Variants in MTMR12 observed in about 807,000 individuals in gnomAD.
The protein encoded by MTMR12 is myotubularin related protein 12.
Under a neutral mutation model 96.7 loss-of-function variants are expected in MTMR12, and 33 were observed. The observed-to-expected ratio is 0.34, with a 90% CI of 0.26 to 0.46. The LOEUF is 0.46. Ranked by LOEUF, MTMR12 falls within the 20% of genes least tolerant of loss-of-function variation. The pLI is 1.00. For synonymous variants in MTMR12, 298 were observed against 327.2 expected, an observed-to-expected ratio of 0.91 and a Z score of 0.96; for missense variants, 721 against 896.1, an observed-to-expected ratio of 0.80 and a Z score of 2.49.
At chr5:32,251,554 G>A (rs942812715) in intron 8 of MTMR12, among the ~76,000 whole-genome samples, 5 of 152,218 alleles carry the variant, frequency 3.3e-5, no homozygotes, top group Non-Finnish European at 7.3e-5. Flanking sequence ...TGTGTGGGGA[G>A]TAGAAGTCAT....
intron 3 of MTMR12, among the ~76,000 whole-genome samples, 157 bp downstream of exon 3, chr5:32,273,823 C>A (rs1160531965): frequency 6.6e-6 from 1 of 152,126 alleles, no homozygotes; most frequent in Non-Finnish European, 1.5e-5. Context: ...GCTATTCCCC[C>A]CAAACTTCAC....
intron 13 of MTMR12, among the ~76,000 whole-genome samples, chr5:32,235,952 C>G (rs1347796112): frequency 1.3e-5 from 2 of 152,190 alleles, no homozygotes; most frequent in African/African-American, 4.8e-5. Context: ...GGCCGGTCCC[C>G]AGGGTCTCAC....
intron 2 of MTMR12, 126 bp downstream of exon 2, chr5:32,276,556 C>T: frequency 5.3e-6 from 4 of 750,490 alleles, no homozygotes; most frequent in Admixed American, 3.0e-5. Context: ...TATGTTTTTT[C>T]AATTCATTAC....
intron 15 of MTMR12, among the ~76,000 whole-genome samples, chr5:32,231,185 T>C (rs1747980927): frequency 1.3e-5 from 2 of 150,642 alleles, no homozygotes; most frequent in Non-Finnish European, 3.0e-5. Flanking sequence ...AGGCCAGGAG[T>C]TCAAGACCAA....
intron 1 of MTMR12, among the ~76,000 whole-genome samples, chr5:32,292,399 A>G (rs1293857037): frequency 6.6e-6 from 1 of 151,890 alleles, no homozygotes; most frequent in Admixed American, 6.6e-5. Context: ...GCTGGTCTAG[A>G]GGTCTTAGTT....
intron 1 of MTMR12, among the ~76,000 whole-genome samples, chr5:32,288,010 A>C (rs1750608068): frequency 6.6e-6 from 1 of 152,174 alleles, no homozygotes; most frequent in African/African-American, 2.4e-5. Context: ...AAATCTGCTA[A>C]GACTGTCCTG....
chr5:32,238,113 T>C (rs530791009), intron 13 of MTMR12, among the ~76,000 whole-genome samples: 126 of 120,484 alleles, frequency 1.0e-3, no homozygotes, highest in African/African-American at 4.1e-3. Context: ...CACTGCACTC[T>C]AGCCTGTGCA....
At position 32,263,188 on chromosome 5, in the gene MTMR12, C is replaced by G; in HGVS notation, c.638G>C (p.Trp213Ser). 6.2e-7 allele frequency: 1 copy of G among 1,614,162 alleles called. No homozygotes were observed. Among genetic ancestry groups the G allele is most frequent in the Non-Finnish European group, 8.5e-7 (1 of 1,180,032 alleles). ...VMFDTLKDWC[W>S]ELERTKGNMK... ...GTTGCCTTTGGTCCGTTCCAGTTCC[C>G]AACACCAGTCCTTAAGTGTGTCAAA... The change falls in exon 7 of 16, where the codon TGG (tryptophan) becomes TCG (serine). Residue 213 changes from tryptophan to serine, a missense_variant. Transcript: ENST00000382142.
At chr5:32,236,390 T>C (rs1748229907) in intron 13 of MTMR12, among the ~76,000 whole-genome samples, 1 of 151,718 alleles carries the variant, frequency 6.6e-6, no homozygotes, top group Non-Finnish European at 1.5e-5. Context: ...CTGCAAAAAA[T>C]ACAAAAATTA....
At chr5:32,309,476 G>A (rs949177007) in intron 1 of MTMR12, among the ~76,000 whole-genome samples, 4 of 152,022 alleles carry the variant, frequency 2.6e-5, no homozygotes, top group African/African-American at 9.6e-5. Context: ...ATCTGACAGG[G>A]GATAACAAGA....
chr5:32,268,783 G>A lies in MTMR12; in HGVS notation c.501C>T (p.Gly167=), dbSNP rs1450939275. 1.2e-6 allele frequency: 2 copies of A among 1,612,628 alleles called. No individual in the cohort carries two copies. The highest frequency in any genetic ancestry group is 1.7e-6 in the Non-Finnish European group (2 of 1,178,672). Reference sequence around the variant, plus strand: ...TAGGAGCCTGGGTATGATGAATTATGCCACTGACAATCTAAAAAAGAATCG... The same window carrying A: ...TAGGAGCCTGGGTATGATGAATTATACCACTGACAATCTAAAAAAGAATCG... ...KEEEVKRIVS[G]IIHHTQAPKL... The change falls in exon 6 of 16, where the codon GGC becomes GGT. Residue 167 remains glycine (G), a synonymous_variant. Coordinates refer to ENST00000382142, the MANE Select transcript of MTMR12 (RefSeq NM_001040446.3).
At chr5:32,272,018 G>A (rs1210082541) in intron 3 of MTMR12, 113 bp from the exon 4 acceptor site, 5 of 580,790 alleles carry the variant, frequency 8.6e-6, no homozygotes, top group East Asian at 3.6e-5. Flanking sequence ...GGGGCCGGGT[G>A]CAGTGGCTCA....
At chr5:32,280,027 C>A (rs1750232403) in intron 1 of MTMR12, among the ~76,000 whole-genome samples, 1 of 152,204 alleles carries the variant, frequency 6.6e-6, no homozygotes, top group African/African-American at 2.4e-5. Flanking sequence ...TCAACTACCA[C>A]TCTTGAGGAC....
chr5:32,287,118 C>A (rs1750568715), intron 1 of MTMR12, among the ~76,000 whole-genome samples: 1 of 152,160 alleles, frequency 6.6e-6, no homozygotes, highest in Admixed American at 6.5e-5. Flanking sequence ...TATACTGAGA[C>A]CTGAAAATGA....
At chr5:32,254,737 G>A (rs570912643) in intron 8 of MTMR12, among the ~76,000 whole-genome samples, 6 of 152,146 alleles carry the variant, frequency 3.9e-5, no homozygotes, top group African/African-American at 7.2e-5. Context: ...CCAGTTACTC[G>A]GGAGGCTGAG....
At chr5:32,231,213 T>C (rs574405256) in intron 15 of MTMR12, among the ~76,000 whole-genome samples, 1 of 151,866 alleles carries the variant, frequency 6.6e-6, no homozygotes, top group African/African-American at 2.4e-5. Context: ...CTGGCCAAAA[T>C]GGCAAAACCC....
chr5:32,287,544 C>T (rs1007167508), intron 1 of MTMR12, among the ~76,000 whole-genome samples: 2 of 152,120 alleles, frequency 1.3e-5, no homozygotes, highest in Non-Finnish European at 2.9e-5. Context: ...TATATATATA[C>T]ACATACATAC....
chr5:32,240,758 G>A (rs532834207), intron 12 of MTMR12, among the ~76,000 whole-genome samples: 4 of 152,198 alleles, frequency 2.6e-5, no homozygotes, highest in African/African-American at 9.6e-5. Flanking sequence ...ACAGGACCAA[G>A]CCCGACTAAT....
chr5:32,256,598 A>G (rs1749147591), intron 7 of MTMR12, among the ~76,000 whole-genome samples: 1 of 152,272 alleles, frequency 6.6e-6, no homozygotes, highest in South Asian at 2.1e-4. Context: ...TCTGTTAACA[A>G]GAAAACTGCC....
Sources: allele counts gnomAD v4.1 joint callset (sites outside exome capture counted in the v4.1 genomes callset), GRCh38; gene constraint gnomAD v4.1.1; transcripts MANE v1.5; gene names NCBI Gene and HGNC (gene_info 2026-07-23, HGNC 2026-07-21).